The following LINGO2 variants were observed in gnomAD, a reference collection of about 807,000 sequenced individuals.
LINGO2 encodes leucine rich repeat and Ig domain containing 2, also known as leucine-rich repeat and immunoglobulin-like domain-containing nogo receptor-interacting protein 2.
Under a neutral mutation model 30.6 loss-of-function variants are expected in LINGO2, and 14 were observed. The ratio of observed to expected loss-of-function variants is 0.46; its 90% CI spans 0.30 to 0.72. The LOEUF (loss-of-function observed/expected upper bound fraction) is 0.72, where lower values mean the gene tolerates loss of function less well. Among genes scored for constraint, LINGO2 ranks in the 30% least tolerant of loss-of-function variants. LINGO2 has a pLI of 0.07. For synonymous variants in LINGO2, 317 were observed against 288.5 expected (o/e 1.10, Z -1.00); for missense variants, 729 against 751.7 (o/e 0.97, Z 0.35).
chr9:29,069,009 A>C, the LINGO2 span, among the ~76,000 whole-genome samples: 2 of 151,914 alleles, frequency 1.3e-5, no homozygotes, highest in African/African-American at 2.4e-5. Flanking sequence ...CCCAGGCTAC[A>C]TCTGAGTTTT....
chr9:28,290,479 C>T lies in LINGO2; in HGVS notation c.-87+4729G>A, dbSNP rs544589134. ...AACACCAGGGGACTCAGTCTAGGTC[C>T]TTCTGCTCGCTGCACAGAAAGCCAA... On this transcript the variant is annotated intron_variant, in intron 4 of 5. Coordinates refer to ENST00000379992, the Ensembl canonical transcript of LINGO2. 1.1e-3 allele frequency among the ~76,000 whole-genome samples: 160 copies of T among 152,314 alleles called. 2 individuals are homozygous for T. The South Asian group carries it at 0.032, about 31-fold the overall frequency.
At chr9:28,680,914 G>C in the LINGO2 span, among the ~76,000 whole-genome samples, 1,936 of 151,974 alleles carry the variant, frequency 0.013, 51 homozygotes, top group South Asian at 0.076. Flanking sequence ...TCTGTTCATT[G>C]TTTCCTTGGC....
intron 4 of LINGO2, among the ~76,000 whole-genome samples, chr9:28,041,395 C>G (rs1431474442): frequency 6.6e-6 from 1 of 152,066 alleles, no homozygotes; most frequent in Non-Finnish European, 1.5e-5. Context: ...AACTCTTTAC[C>G]TGTGTGCTTC....
At chr9:28,028,583 A>ACC (rs1225947034) in intron 4 of LINGO2, among the ~76,000 whole-genome samples, 1 of 152,024 alleles carries the variant, frequency 6.6e-6, no homozygotes, top group Non-Finnish European at 1.5e-5. Context: ...TGTTTCCAGG[A>ACC]CCCCCATAGA....
At chr9:28,111,762 C>G (rs1229538621) in intron 4 of LINGO2, among the ~76,000 whole-genome samples, 1 of 152,028 alleles carries the variant, frequency 6.6e-6, no homozygotes, top group African/African-American at 2.4e-5. Flanking sequence ...TTTATTAAAA[C>G]CAGGAAAGAA....
intron 1 of LINGO2, among the ~76,000 whole-genome samples, chr9:28,639,011 T>A (rs948905425): frequency 6.6e-6 from 1 of 152,154 alleles, no homozygotes; most frequent in Non-Finnish European, 1.5e-5. Context: ...GAGATTCTGG[T>A]ATGTTGTGTC....
chr9:28,495,426 T>A (rs1012253321), intron 1 of LINGO2, among the ~76,000 whole-genome samples: 2 of 152,238 alleles, frequency 1.3e-5, no homozygotes, highest in African/African-American at 4.8e-5. Flanking sequence ...GTTTCAGCTT[T>A]CTACATATGG....
the LINGO2 span, among the ~76,000 whole-genome samples, chr9:28,745,038 C>A: frequency 4.6e-5 from 7 of 151,972 alleles, no homozygotes; most frequent in Non-Finnish European, 2.9e-5. Context: ...TTTAGGTTTT[C>A]AAACTTTATC....
the LINGO2 span, among the ~76,000 whole-genome samples, chr9:28,994,460 T>C: frequency 5.9e-5 from 9 of 151,382 alleles, no homozygotes; most frequent in Non-Finnish European, 1.2e-4. Context: ...AATTTATGGA[T>C]TCAATGCCAT....
chr9:28,576,050 T>C (rs1199791081), intron 1 of LINGO2, among the ~76,000 whole-genome samples: 2 of 152,098 alleles, frequency 1.3e-5, no homozygotes, highest in South Asian at 4.1e-4. Context: ...GTTGAAAATA[T>C]TGTAAGTCAA....
chr9:28,386,399 A>C (rs1261185652), intron 2 of LINGO2, among the ~76,000 whole-genome samples: 2 of 152,172 alleles, frequency 1.3e-5, no homozygotes, highest in African/African-American at 4.8e-5. Flanking sequence ...ATATTTCCCT[A>C]AACTGTACAT....
the LINGO2 span, among the ~76,000 whole-genome samples, chr9:28,762,238 A>C: frequency 2.0e-5 from 3 of 152,032 alleles, no homozygotes; most frequent in African/African-American, 7.3e-5. Context: ...AACTATAGCC[A>C]ATATAAGAGG....
the LINGO2 span, among the ~76,000 whole-genome samples, chr9:28,920,226 C>A: frequency 6.6e-6 from 1 of 151,930 alleles, no homozygotes. Flanking sequence ...TCTTAATGCA[C>A]CTGATGAAGT....
chr9:28,267,632 C>G (rs1015225232), intron 4 of LINGO2, among the ~76,000 whole-genome samples: 1 of 152,022 alleles, frequency 6.6e-6, no homozygotes, highest in African/African-American at 2.4e-5. Flanking sequence ...CTTCACCTGA[C>G]AAAATCCCAC....
chr9:28,503,866 AAAC>A (rs967341201), intron 1 of LINGO2, among the ~76,000 whole-genome samples: 3 of 151,890 alleles, frequency 2.0e-5, no homozygotes, highest in African/African-American at 7.2e-5. Context: ...GGGGGAAAAA[AAAC>A]AATAAAAATA....
the LINGO2 span, among the ~76,000 whole-genome samples, chr9:28,724,505 T>C: frequency 1.4e-4 from 22 of 152,278 alleles, no homozygotes; most frequent in African/African-American, 5.1e-4. Context: ...GCACTTGCCA[T>C]AGACCTCTCA....
At chr9:28,402,415 A>G (rs567162128) in intron 2 of LINGO2, among the ~76,000 whole-genome samples, 2 of 152,308 alleles carry the variant, frequency 1.3e-5, no homozygotes, top group Admixed American at 6.5e-5. Flanking sequence ...AAGTGAGATT[A>G]GAAAATAAGA....
chr9:28,672,532 C>T (rs1447704875), upstream of LINGO2, among the ~76,000 whole-genome samples: 1 of 152,152 alleles, frequency 6.6e-6, no homozygotes, highest in Admixed American at 6.6e-5. Flanking sequence ...GATATCTCAG[C>T]ATACAAATCT....
chr9:28,756,639 A>C, the LINGO2 span, among the ~76,000 whole-genome samples: 1 of 151,878 alleles, frequency 6.6e-6, no homozygotes, highest in Non-Finnish European at 1.5e-5. Flanking sequence ...ACCACATGAG[A>C]GAGGTGATTG....
Sources: gnomAD v4.1 joint callset for allele counts (sites outside exome capture counted in the v4.1 genomes callset) on GRCh38, gnomAD v4.1.1 for gene constraint, MANE v1.5 for transcripts, NCBI Gene and HGNC (gene_info 2026-07-23, HGNC 2026-07-21) for gene names.